The following CNBD1 variants were observed in gnomAD, a reference collection of about 807,000 sequenced individuals.
The protein encoded by CNBD1 is cyclic nucleotide-binding domain-containing protein 1.
A neutral mutation model predicts 54.4 loss-of-function variants in CNBD1; 71 were observed. The ratio of observed to expected loss-of-function variants is 1.30; its 90% CI spans 1.08 to 1.59. The LOEUF (loss-of-function observed/expected upper bound fraction) is 1.59, where lower values mean the gene tolerates loss of function less well. Among genes scored for constraint, CNBD1 ranks in the 40% most tolerant of loss-of-function variants. CNBD1 has a pLI of 0.00. For synonymous variants in CNBD1, 182 were observed against 170.7 expected, an observed-to-expected ratio of 1.07 and a Z score of -0.51; for missense variants, 659 against 518.0, an observed-to-expected ratio of 1.27 and a Z score of -2.64.
intron 4 of CNBD1, among the ~76,000 whole-genome samples, chr8:86,943,511 TACTG>T (rs1215886455): frequency 6.6e-6 from 1 of 151,652 alleles, no homozygotes. Flanking sequence ...TCTGAGTAAA[TACTG>T]ATAGATGGGA....
rs148481673 is a variant in CNBD1, at chr8:87,426,367, T to A, written c.214-2179T>A. Among the ~76,000 whole-genome samples, 595 of 152,320 alleles carry A rather than the reference T, an allele frequency of 3.9e-3. 7 individuals carry two copies. The highest frequency in any genetic ancestry group is 0.014 in the African/African-American group (570 of 41,588). On this transcript the variant is annotated intron_variant, in intron 2 of 7. Coordinates refer to the CNBD1 transcript ENST00000521593. ...CCTGTTTGCTTGATTTTCTAAATTA[T>A]TAAATGCAACATCATGATCGGAGTA...
At chr8:87,249,416 G>A (rs1807868724) in intron 6 of CNBD1, among the ~76,000 whole-genome samples, 1 of 152,078 alleles carries the variant, frequency 6.6e-6, no homozygotes, top group South Asian at 2.1e-4. Flanking sequence ...ATAAATCTGT[G>A]GCCCAGGAGT....
intron 8 of CNBD1, among the ~76,000 whole-genome samples, chr8:87,294,765 C>T (rs1808848163): frequency 6.6e-6 from 1 of 152,108 alleles, no homozygotes; most frequent in African/African-American, 2.4e-5. Flanking sequence ...CCCAAGGCTT[C>T]TTATGGGCCT....
chr8:87,314,942 C>G (rs752609879), intron 8 of CNBD1, among the ~76,000 whole-genome samples: 2 of 151,976 alleles, frequency 1.3e-5, no homozygotes, highest in Admixed American at 1.3e-4. Context: ...TGTCTTTTAT[C>G]ACTAAATTCA....
chr8:87,421,981 A>G (rs1453391318), intron 2 of CNBD1, among the ~76,000 whole-genome samples: 2 of 149,770 alleles, frequency 1.3e-5, no homozygotes, highest in South Asian at 2.1e-4. Flanking sequence ...CTGGTATGAG[A>G]TGGTATCTCA....
At chr8:87,031,725 C>T (rs531721034) in intron 4 of CNBD1, among the ~76,000 whole-genome samples, 4 of 151,940 alleles carry the variant, frequency 2.6e-5, no homozygotes, top group East Asian at 1.9e-4. Flanking sequence ...GTCACTAAAC[C>T]CTTCCTTTAC....
At chr8:86,933,648 C>A (rs1586144621) in intron 3 of CNBD1, among the ~76,000 whole-genome samples, 1 of 152,048 alleles carries the variant, frequency 6.6e-6, no homozygotes, top group Non-Finnish European at 1.5e-5. Context: ...GGACATGTCA[C>A]CTAGAGAAAT....
At chr8:87,009,467 AT>A (rs1192709398) in intron 4 of CNBD1, among the ~76,000 whole-genome samples, 17 of 151,430 alleles carry the variant, frequency 1.1e-4, no homozygotes, top group Admixed American at 1.1e-3. Context: ...CACCCGGCTA[AT>A]TTTTTTTATT....
intron 4 of CNBD1, among the ~76,000 whole-genome samples, chr8:87,074,687 T>C (rs1288316585): frequency 6.6e-6 from 1 of 152,158 alleles, no homozygotes; most frequent in Non-Finnish European, 1.5e-5. Context: ...AGGGCTCTTT[T>C]GGCTGTGTAC....
chr8:87,024,431 C>A (rs1013651772), intron 4 of CNBD1, among the ~76,000 whole-genome samples: 10 of 151,430 alleles, frequency 6.6e-5, no homozygotes, highest in African/African-American at 2.2e-4. Flanking sequence ...CCTTTGCCTC[C>A]CAGGTTGAAG....
chr8:87,255,589 G>C (rs1807994220), intron 6 of CNBD1, among the ~76,000 whole-genome samples: 1 of 151,706 alleles, frequency 6.6e-6, no homozygotes, highest in African/African-American at 2.4e-5. Context: ...ATAAATATCT[G>C]TTGTTATAAT....
chr8:87,045,250 TAACAC>T (rs973139149), intron 4 of CNBD1, among the ~76,000 whole-genome samples: 1 of 152,084 alleles, frequency 6.6e-6, no homozygotes, highest in Non-Finnish European at 1.5e-5. Flanking sequence ...GGTCCAAACT[TAACAC>T]AAGACATACA....
At chr8:87,296,470 G>T (rs1808877689) in intron 8 of CNBD1, among the ~76,000 whole-genome samples, 1 of 152,144 alleles carries the variant, frequency 6.6e-6, no homozygotes, top group Admixed American at 6.6e-5. Context: ...GGTCATTAGT[G>T]TGTAAAAGTA....
At chr8:87,140,856 T>G (rs958461865) in intron 4 of CNBD1, among the ~76,000 whole-genome samples, 2 of 152,246 alleles carry the variant, frequency 1.3e-5, no homozygotes, top group East Asian at 1.9e-4. Flanking sequence ...TGTGGTGTCA[T>G]TACCACATTC....
intron 4 of CNBD1, among the ~76,000 whole-genome samples, chr8:86,994,076 T>C (rs1808814677): frequency 6.6e-6 from 1 of 152,214 alleles, no homozygotes; most frequent in South Asian, 2.1e-4. Context: ...TGATCCTGCA[T>C]GTTTCATCCC....
intron 7 of CNBD1, 57 bp downstream of exon 7, chr8:87,284,872 A>AT: frequency 1.6e-6 from 2 of 1,235,984 alleles, no homozygotes; most frequent in Non-Finnish European, 2.2e-6. Flanking sequence ...CTCAAGCTAC[A>AT]TTTTGATTCT....
intron 6 of CNBD1, among the ~76,000 whole-genome samples, chr8:87,265,701 T>C (rs1317562661): frequency 1.3e-5 from 2 of 152,096 alleles, no homozygotes; most frequent in African/African-American, 2.4e-5. Context: ...CACAGCCACA[T>C]CCATTCACTA....
intron 5 of CNBD1, among the ~76,000 whole-genome samples, chr8:87,228,468 C>A (rs1344644114): frequency 1.3e-5 from 2 of 148,994 alleles, no homozygotes; most frequent in East Asian, 1.9e-4. Context: ...CACACAGGAC[C>A]CTCAGCTGCA....
intron 5 of CNBD1, among the ~76,000 whole-genome samples, chr8:87,232,247 G>A (rs1406488703): frequency 6.6e-6 from 1 of 152,082 alleles, no homozygotes; most frequent in Non-Finnish European, 1.5e-5. Context: ...CCTTGTACAA[G>A]TCCTTTTTGG....
Sources: allele counts gnomAD v4.1 joint callset (sites outside exome capture counted in the v4.1 genomes callset), GRCh38; gene constraint gnomAD v4.1.1; transcripts MANE v1.5; gene names NCBI Gene and HGNC (gene_info 2026-07-23, HGNC 2026-07-21).